The following COL19A1 variants were observed in gnomAD, a reference collection of about 807,000 sequenced individuals.
COL19A1 encodes the protein collagen type XIX alpha 1 chain, also known as collagen alpha-1(XIX) chain.
In COL19A1, 159 loss-of-function variants were observed where a neutral mutation model predicts 190.2. The ratio of observed to expected loss-of-function variants is 0.84; its 90% CI spans 0.73 to 0.95. The LOEUF is 0.95. COL19A1 is among the 40% of genes least tolerant of loss of function. COL19A1 has a pLI of 0.00. For missense variants in COL19A1, 1,418 were observed against 1,431.9 expected (o/e 0.99, Z 0.16); for synonymous variants, 509 against 458.9 (o/e 1.11, Z -1.39).
chr6:70,050,736 T>A (rs1278590183), intron 14 of COL19A1, among the ~76,000 whole-genome samples: 3 of 152,104 alleles, frequency 2.0e-5, no homozygotes, highest in African/African-American at 7.2e-5. Flanking sequence ...ATATTAAAAA[T>A]TTTCAGCAAT....
At chr6:69,898,920 C>T in intron 2 of COL19A1, 28 bp from the exon 3 acceptor site, 1 of 1,399,944 alleles carries the variant, frequency 7.1e-7, no homozygotes, top group Non-Finnish European at 1.0e-6. Flanking sequence ...TAATGCAAAT[C>T]CTCTATGCTT....
At chr6:70,007,398 T>G (rs191002069) in intron 11 of COL19A1, among the ~76,000 whole-genome samples, 1 of 152,052 alleles carries the variant, frequency 6.6e-6, no homozygotes, top group African/African-American at 2.4e-5. Flanking sequence ...AGATGTACTA[T>G]GTAAAGAGTA....
At chr6:69,950,910 T>C (rs541025409) in intron 9 of COL19A1, among the ~76,000 whole-genome samples, 1 of 152,000 alleles carries the variant, frequency 6.6e-6, no homozygotes, top group Admixed American at 6.6e-5. Flanking sequence ...AAGATATATT[T>C]CTCTAGAAGT....
intron 12 of COL19A1, among the ~76,000 whole-genome samples, chr6:70,026,537 A>G (rs1346039214): frequency 6.6e-6 from 1 of 152,234 alleles, no homozygotes; most frequent in Non-Finnish European, 1.5e-5. Context: ...TAATAAGTAG[A>G]TGATGTTATT....
In COL19A1 at chr6:70,207,258, G is replaced by A. The variant is rs112759014; in HGVS notation, c.3413G>A (p.Arg1138His). 1.3e-4 allele frequency: 207 copies of A among 1,613,168 alleles called. No individual in the cohort carries two copies. The highest frequency in any genetic ancestry group is 1.3e-4 in the Non-Finnish European group (157 of 1,179,734). ...TATCCTGTGTCTCATGCCCATCAGC[G>A]CACAGGTGGGAATTGAACACACCTG... ...CLYPVSHAHQ[R>H]TGGN The change falls in exon 51 of 51, where the codon CGC (arginine) becomes CAC (histidine). Residue 1138 changes from arginine to histidine, a missense_variant. Physicochemically the swap from Arg to His is conservative, Grantham distance 29. Coordinates refer to ENST00000620364, the MANE Select transcript of COL19A1 (RefSeq NM_001858.6).
chr6:70,192,672 C>T (rs529047901), intron 48 of COL19A1, among the ~76,000 whole-genome samples: 29 of 152,186 alleles, frequency 1.9e-4, no homozygotes, highest in African/African-American at 6.0e-4. Flanking sequence ...ACATAATTTG[C>T]GGTGTTCAGT....
intron 41 of COL19A1, among the ~76,000 whole-genome samples, chr6:70,174,895 A>G (rs986685166): frequency 6.6e-6 from 1 of 152,256 alleles, no homozygotes; most frequent in African/African-American, 2.4e-5. Context: ...ATGGTGGTCC[A>G]AAGTTGGAAC....
chr6:70,151,433 C>T lies in COL19A1; in HGVS notation c.2074C>T (p.Leu692Phe), dbSNP rs565990026. Residue 692 changes from leucine to phenylalanine, a missense_variant, in exon 31 of 51, where the codon CTC becomes TTC. Transcript: ENST00000620364. Reference sequence around the variant, plus strand: ...TCTCTTGGGAGACATCGGTGCTTTGCTCAAGGTACTCTATTGCTATGTAAG... The same window carrying T: ...TCTCTTGGGAGACATCGGTGCTTTGTTCAAGGTACTCTATTGCTATGTAAG... ...LPLLGDIGAL[L>F]KNFCGNCQAS... 10 of 1,612,574 alleles carry T rather than the reference C, an allele frequency of 6.2e-6. No homozygotes were observed. Among genetic ancestry groups the T allele is most frequent in the South Asian group, 3.3e-5 (3 of 91,014 alleles).
At chr6:70,154,542 G>A (rs1787314800) in intron 31 of COL19A1, among the ~76,000 whole-genome samples, 1 of 152,162 alleles carries the variant, frequency 6.6e-6, no homozygotes, top group African/African-American at 2.4e-5. Flanking sequence ...GGGTTCTCTA[G>A]AGGGACAGAA....
At chr6:70,191,989 G>A (rs1766902517) in intron 48 of COL19A1, among the ~76,000 whole-genome samples, 1 of 152,132 alleles carries the variant, frequency 6.6e-6, no homozygotes, top group South Asian at 2.1e-4. Flanking sequence ...TAGAAATACA[G>A]TAGAGTAACA....
At chr6:70,021,329 C>T (rs766284543) in intron 11 of COL19A1, among the ~76,000 whole-genome samples, 7 of 151,868 alleles carry the variant, frequency 4.6e-5, no homozygotes, top group Non-Finnish European at 8.8e-5. Flanking sequence ...TTTATTACCA[C>T]TGTCAAGCTT....
chr6:70,208,152 T>C lies in COL19A1; in HGVS notation c.*878T>C, dbSNP rs1041675284. The C allele has an allele frequency of 6.6e-6, 1 of 152,212 alleles. No individual in the cohort carries two copies. Among genetic ancestry groups the C allele is most frequent in the Non-Finnish European group, 1.5e-5 (1 of 68,048 alleles). The allele number at this position is 152,212 out of a possible 1,614,324, so 9.4% of individuals were successfully genotyped here. On this transcript the variant is annotated 3_prime_UTR_variant, in exon 51 of 51. Coordinates refer to ENST00000620364, the MANE Select transcript of COL19A1 (RefSeq NM_001858.6). ...AGCCACCAAGCTGTCTTTGGTACTC[T>C]TAAAGCTTCAGTGGCCTAGCAAGAT...
intron 12 of COL19A1, among the ~76,000 whole-genome samples, chr6:70,024,951 T>G (rs1441247866): frequency 6.6e-6 from 1 of 152,134 alleles, no homozygotes; most frequent in Non-Finnish European, 1.5e-5. Flanking sequence ...CAGGGTCCAG[T>G]TTGTCTTCCA....
intron 47 of COL19A1, among the ~76,000 whole-genome samples, chr6:70,189,589 C>T (rs139709094): frequency 1.3e-3 from 197 of 152,234 alleles, no homozygotes; most frequent in Middle Eastern, 3.4e-3. Context: ...ATAATAGCTC[C>T]TTTAAAAATA....
At chr6:70,117,961 C>A (rs1218160564) in intron 16 of COL19A1, among the ~76,000 whole-genome samples, 2 of 152,242 alleles carry the variant, frequency 1.3e-5, no homozygotes, top group Non-Finnish European at 2.9e-5. Context: ...GTTGGCCTCT[C>A]TTCACCACTG....
In COL19A1 at chr6:69,893,487, TC is replaced by T. The variant is rs1262388507; in HGVS notation, c.92-5459del. 7.9e-5 allele frequency among the ~76,000 whole-genome samples: 12 copies of T among 152,346 alleles called. No individual in the cohort carries two copies. In the East Asian group the frequency reaches 2.3e-3, roughly 29 times the overall value. ...GCTCTGATTTTTATCTTGCCCAGAT[TC>T]CTTTCTAAGGAGTCTGGGGAGTCAT... On this transcript the variant is annotated intron_variant, in intron 2 of 50. Transcript: ENST00000620364.
At chr6:70,173,533 A>G (rs1390851839) in intron 41 of COL19A1, among the ~76,000 whole-genome samples, 1 of 152,236 alleles carries the variant, frequency 6.6e-6, no homozygotes, top group Non-Finnish European at 1.5e-5. Context: ...TGTCTCAAAT[A>G]CTGCAAATAG....
rs569286701 is a variant in COL19A1, at chr6:70,113,599, C to T, written c.1279-8281C>T. Among the ~76,000 whole-genome samples the T allele has an allele frequency of 2.0e-5, 3 of 152,236 alleles. No homozygotes were observed. In the South Asian group the frequency reaches 6.2e-4, roughly 32 times the overall value. On this transcript the variant is annotated intron_variant, in intron 16 of 50. Transcript: ENST00000620364. ...CACCATCTTATAAGCGCGAAGGCTC[C>T]TTGCCCTTCATTTGGCATTATTGAA...
chr6:70,039,462 A>G (rs1450211102), intron 14 of COL19A1, among the ~76,000 whole-genome samples: 1 of 152,162 alleles, frequency 6.6e-6, no homozygotes, highest in Non-Finnish European at 1.5e-5. Context: ...CCATCTCCAC[A>G]TTTACAAGCT....
Sources: gnomAD v4.1 joint callset for allele counts (sites outside exome capture counted in the v4.1 genomes callset) on GRCh38, gnomAD v4.1.1 for gene constraint, MANE v1.5 for transcripts, NCBI Gene and HGNC (gene_info 2026-07-23, HGNC 2026-07-21) for gene names.